The following ITPR2 variants were observed in gnomAD, a reference collection of about 807,000 sequenced individuals.
ITPR2 encodes inositol 1,4,5-trisphosphate-gated calcium channel ITPR2.
ITPR2 carries 207 observed loss-of-function variants against 317.1 expected under a neutral mutation model. The observed-to-expected ratio is 0.65, with a 90% CI of 0.58 to 0.73. ITPR2 has a LOEUF of 0.73. ITPR2 is among the 30% of genes least tolerant of loss of function. The pLI, the probability that ITPR2 is intolerant of heterozygous loss-of-function variation, is 0.00. For synonymous variants in ITPR2, 1,156 were observed against 1,149.1 expected, an observed-to-expected ratio of 1.01 and a Z score of -0.12; for missense variants, 2,613 against 3,284.0, an observed-to-expected ratio of 0.80 and a Z score of 4.99.
intron 34 of ITPR2, among the ~76,000 whole-genome samples, chr12:26,568,743 T>C (rs888193388): frequency 1.4e-4 from 22 of 152,146 alleles, no homozygotes; most frequent in African/African-American, 5.1e-4. Flanking sequence ...TTCTACTGTA[T>C]AGCCCAGGTG....
chr12:26,362,817 TC>T (rs1476955606), intron 55 of ITPR2, among the ~76,000 whole-genome samples: 1 of 152,184 alleles, frequency 6.6e-6, no homozygotes, highest in Non-Finnish European at 1.5e-5. Context: ...CATCACCTCT[TC>T]CTAGTGTAGC....
intron 55 of ITPR2, among the ~76,000 whole-genome samples, chr12:26,380,125 C>T (rs989222452): frequency 7.2e-5 from 11 of 152,186 alleles, no homozygotes; most frequent in Non-Finnish European, 1.3e-4. Flanking sequence ...TCCTCACTTC[C>T]AGCACCAAAG....
At chr12:26,771,839 G>A (rs527484859) in intron 2 of ITPR2, among the ~76,000 whole-genome samples, 19 of 152,042 alleles carry the variant, frequency 1.2e-4, no homozygotes, top group African/African-American at 4.6e-4. Context: ...GGGCTTTGGG[G>A]GGATTTATGT....
chr12:26,672,770 T>C (rs1192789121), intron 13 of ITPR2, among the ~76,000 whole-genome samples: 1 of 151,922 alleles, frequency 6.6e-6, no homozygotes, highest in African/African-American at 2.4e-5. Context: ...AGCTGGTTTT[T>C]TGAAAGGATC....
chr12:26,648,637 C>G (rs1947169742), intron 21 of ITPR2: 1 of 149,680 alleles, frequency 6.7e-6, no homozygotes. Flanking sequence ...AAATACAATC[C>G]AAATCATTTA....
chr12:26,720,123 A>G (rs953521554), intron 5 of ITPR2, among the ~76,000 whole-genome samples: 2 of 152,172 alleles, frequency 1.3e-5, no homozygotes, highest in Non-Finnish European at 2.9e-5. Flanking sequence ...TTTCTTCCCC[A>G]AAACCATCCA....
intron 32 of ITPR2, among the ~76,000 whole-genome samples, chr12:26,592,861 G>T (rs1220078687): frequency 1.3e-5 from 2 of 152,160 alleles, no homozygotes; most frequent in Non-Finnish European, 2.9e-5. Flanking sequence ...ATAATTTCTA[G>T]TTTTTCCCTA....
At chr12:26,368,215 C>T (rs1045826876) in intron 55 of ITPR2, among the ~76,000 whole-genome samples, 1 of 152,202 alleles carries the variant, frequency 6.6e-6, no homozygotes, top group African/African-American at 2.4e-5. Flanking sequence ...AATATCAGCA[C>T]TCAAAGAGTC....
chr12:26,423,894 C>G (rs112610706), intron 49 of ITPR2, among the ~76,000 whole-genome samples: 11 of 152,182 alleles, frequency 7.2e-5, no homozygotes, highest in African/African-American at 2.4e-4. Context: ...TAGACCAACT[C>G]CTAGTTTTAG....
chr12:26,404,462 A>G (rs189797482), intron 52 of ITPR2, among the ~76,000 whole-genome samples: 55 of 152,366 alleles, frequency 3.6e-4, no homozygotes, highest in African/African-American at 1.3e-3. Context: ...AAGGAAGACA[A>G]TAATTTTAAA....
chr12:26,351,957 AT>A (rs1045409793), intron 55 of ITPR2, among the ~76,000 whole-genome samples: 2 of 152,196 alleles, frequency 1.3e-5, no homozygotes, highest in African/African-American at 4.8e-5. Context: ...AAAACTAGAG[AT>A]TTCTTCATGG....
intron 26 of ITPR2, among the ~76,000 whole-genome samples, chr12:26,620,632 C>G (rs1051456123): frequency 3.9e-5 from 6 of 152,132 alleles, no homozygotes; most frequent in African/African-American, 1.4e-4. Flanking sequence ...CAGAAGATGA[C>G]AGTCACTCTT....
rs1340674639 is a variant in ITPR2, at chr12:26,680,457, G to GT, written c.1409+1416dup. Among the ~76,000 whole-genome samples, 6 of 152,086 alleles carry GT rather than the reference G, an allele frequency of 3.9e-5. No homozygotes were observed. In the South Asian group the frequency reaches 1.0e-3, roughly 26 times the overall value. ...ACTTGCCATTTCAACAGCTTACACT[G>GT]TTTTTTAAATTTTTTTAACTCTTCA... On this transcript the variant is annotated intron_variant, in intron 13 of 56. Transcript: ENST00000381340.
intron 13 of ITPR2, among the ~76,000 whole-genome samples, chr12:26,666,390 T>C (rs1947633426): frequency 6.6e-6 from 1 of 152,210 alleles, no homozygotes; most frequent in Non-Finnish European, 1.5e-5. Context: ...CATCAAGCGT[T>C]TGCAGACTAT....
intron 48 of ITPR2, among the ~76,000 whole-genome samples, chr12:26,434,360 G>A (rs1157202886): frequency 2.0e-5 from 3 of 152,106 alleles, no homozygotes; most frequent in Non-Finnish European, 4.4e-5. Context: ...AACAACATCC[G>A]CTGCTGTTAT....
At chr12:26,622,163 G>T in intron 25 of ITPR2, 77 bp downstream of exon 25, 1 of 1,333,986 alleles carries the variant, frequency 7.5e-7, no homozygotes, top group Non-Finnish European at 1.0e-6. Flanking sequence ...TACCTCTGCA[G>T]CCATGAAGTC....
intron 45 of ITPR2, among the ~76,000 whole-genome samples, chr12:26,460,807 T>C (rs1013912124): frequency 4.6e-5 from 7 of 152,164 alleles, no homozygotes; most frequent in Admixed American, 4.6e-4. Flanking sequence ...GTTTCCCAAG[T>C]TGTGTATCAG....
Position 26,571,969 on chromosome 12 carries a change from T to A in ITPR2, c.4630+6744A>T, listed in dbSNP as rs550868348. 2.6e-5 allele frequency among the ~76,000 whole-genome samples: 4 copies of A among 152,346 alleles called. 1 individual carries two copies. The highest frequency in any genetic ancestry group is 9.6e-5 in the African/African-American group (4 of 41,588). On this transcript the variant is annotated intron_variant, in intron 34 of 56. Coordinates refer to ENST00000381340, the MANE Select transcript of ITPR2 (RefSeq NM_002223.4). The stretch of plus-strand genomic sequence containing the variant: ...CAAATCATAAAATGTTATATAAATA[T>A]GACTATAATTGATCTTTACATTGAC...
chr12:26,583,458 A>G (rs1945449975), intron 32 of ITPR2, among the ~76,000 whole-genome samples: 1 of 152,070 alleles, frequency 6.6e-6, no homozygotes, highest in Non-Finnish European at 1.5e-5. Context: ...CTACTTTTCA[A>G]CATTCAGGCA....
Sources: allele counts gnomAD v4.1 joint callset (sites outside exome capture counted in the v4.1 genomes callset), GRCh38; gene constraint gnomAD v4.1.1; transcripts MANE v1.5; gene names NCBI Gene and HGNC (gene_info 2026-07-23, HGNC 2026-07-21).